Variants in IPO11 observed in about 807,000 individuals in gnomAD.
IPO11 encodes importin 11.
Under a neutral mutation model 143.2 loss-of-function variants are expected in IPO11, and 66 were observed. The observed-to-expected ratio is 0.46, with a 90% CI of 0.38 to 0.57. The LOEUF (loss-of-function observed/expected upper bound fraction) is 0.57, where lower values mean the gene tolerates loss of function less well. Ranked by LOEUF, IPO11 falls within the 20% of genes least tolerant of loss-of-function variation. The pLI is 0.00. For synonymous variants in IPO11, 385 were observed against 377.8 expected, an observed-to-expected ratio of 1.02 and a Z score of -0.22; for missense variants, 1,026 against 1,141.0, an observed-to-expected ratio of 0.90 and a Z score of 1.45.
chr5:62,513,194 G>A (rs1580267672), intron 19 of IPO11, among the ~76,000 whole-genome samples: 3 of 151,744 alleles, frequency 2.0e-5, no homozygotes, highest in African/African-American at 4.8e-5. Context: ...CCCGGACCGG[G>A]TGGCTGGCCA....
intron 3 of IPO11, chr5:62,449,658 G>A (rs527789158): frequency 7.4e-4 from 178 of 239,948 alleles, no homozygotes; most frequent in African/African-American, 3.7e-3. Context: ...TTATGCTTCC[G>A]ACTTATCTGA....
At chr5:62,480,515 A>G (rs537431019) in intron 9 of IPO11, among the ~76,000 whole-genome samples, 2 of 152,150 alleles carry the variant, frequency 1.3e-5, no homozygotes, top group African/African-American at 4.8e-5. Flanking sequence ...CATTGAATCT[A>G]TCAATTACCT....
intron 5 of IPO11, among the ~76,000 whole-genome samples, chr5:62,456,986 A>G (rs1308274484): frequency 1.3e-5 from 2 of 152,114 alleles, no homozygotes; most frequent in African/African-American, 2.4e-5. Flanking sequence ...AGCCTGAGGC[A>G]GGACAATTGC....
intron 1 of IPO11, among the ~76,000 whole-genome samples, chr5:62,429,894 A>T (rs1189594584): frequency 1.3e-5 from 2 of 152,072 alleles, no homozygotes; most frequent in African/African-American, 4.8e-5. Flanking sequence ...AAGTACTGGG[A>T]TTACAGGAAT....
intron 24 of IPO11, among the ~76,000 whole-genome samples, chr5:62,547,350 A>C (rs143049940): frequency 6.6e-6 from 1 of 152,270 alleles, no homozygotes; most frequent in East Asian, 1.9e-4. Context: ...CAGGCACCTC[A>C]AATTCGTCAT....
At chr5:62,562,188 T>A (rs547092981) in intron 27 of IPO11, 5 of 152,434 alleles carry the variant, frequency 3.3e-5, no homozygotes, top group African/African-American at 1.2e-4. Context: ...TAACAGCCCT[T>A]TTTGCTGCCC....
chr5:62,537,070 G>T (rs750846048), intron 23 of IPO11, 139 bp from the exon 24 acceptor site: 3 of 563,968 alleles, frequency 5.3e-6, no homozygotes, highest in South Asian at 3.6e-5. Context: ...TTTCCTAAGC[G>T]TTCTGATTGA....
At chr5:62,418,922 C>G (rs1037276290) in intron 1 of IPO11, 88 of 1,421,732 alleles carry the variant, frequency 6.2e-5, no homozygotes, top group Non-Finnish European at 8.0e-5. Flanking sequence ...ATAGAAGATA[C>G]AGTCACGAGT....
At position 62,439,173 on chromosome 5, in the gene IPO11, A is replaced by G. The variant is rs183288223; in HGVS notation, c.138+1756A>G. Among the ~76,000 whole-genome samples, 303 of 152,014 alleles carry G rather than the reference A, an allele frequency of 2.0e-3. 2 individuals are homozygous for G. The highest frequency in any genetic ancestry group is 7.1e-3 in the African/African-American group (296 of 41,466). ...TCTGGCCAAAATATAAAACACTTTC[A>G]GAATTTCTTATTTTAATTACTGCTG... On this transcript the variant is annotated intron_variant, in intron 2 of 29. Coordinates refer to ENST00000325324, the MANE Select transcript of IPO11 (RefSeq NM_016338.5).
intron 27 of IPO11, among the ~76,000 whole-genome samples, chr5:62,577,099 A>G (rs1391786212): frequency 2.0e-5 from 3 of 152,196 alleles, no homozygotes; most frequent in African/African-American, 7.2e-5. Flanking sequence ...ATAATGAGGA[A>G]TCATTGTTGA....
At chr5:62,429,509 C>G (rs1307507601) in intron 1 of IPO11, among the ~76,000 whole-genome samples, 1 of 151,986 alleles carries the variant, frequency 6.6e-6, no homozygotes, top group East Asian at 1.9e-4. Context: ...CCTCCGCCTC[C>G]TGGGTTCCAG....
chr5:62,525,272 CAT>C (rs1262674606), intron 20 of IPO11, among the ~76,000 whole-genome samples: 6 of 151,730 alleles, frequency 4.0e-5, no homozygotes, highest in African/African-American at 1.2e-4. Flanking sequence ...AATTCTTTGA[CAT>C]GTGGAATTGT....
Position 62,627,210 on chromosome 5 carries a change from G to A in IPO11, c.2820G>A (p.Lys940=). The A allele has an allele frequency of 6.2e-7, 1 of 1,614,188 alleles. No homozygotes were observed. Among genetic ancestry groups the A allele is most frequent in the Non-Finnish European group, 8.5e-7 (1 of 1,180,016 alleles). Residue 940 remains lysine, a synonymous_variant, in exon 30 of 30, where the codon AAG becomes AAA. Coordinates refer to ENST00000325324, the MANE Select transcript of IPO11 (RefSeq NM_016338.5). ...CACTGCAGCAGTTCATCTACGAGAA[G>A]CTCAAGGCACAGCAGGAGATGCTAG... The part of the protein sequence containing the change: ...TVSLQQFIYE[K]LKAQQEMLGE...
In IPO11 at chr5:62,516,739, G is replaced by A. The variant is rs538495877; in HGVS notation, c.1896+1238G>A. 2.1e-4 allele frequency among the ~76,000 whole-genome samples: 32 copies of A among 152,036 alleles called. 1 individual carries two copies. In the South Asian group the frequency reaches 6.0e-3, roughly 29 times the overall value. ...TAAAATACACATAACAAAATTTACC[G>A]TTTTAACCAATTTTAAGTGTACAGT... is the stretch of plus-strand genomic sequence containing the variant. On this transcript the variant is annotated intron_variant, in intron 20 of 29. Transcript: ENST00000325324.
In IPO11 at chr5:62,470,166, G is replaced by A. The variant is rs999863290; in HGVS notation, c.650-84G>A. On this transcript the variant is annotated intron_variant, in intron 6 of 29. Transcript: ENST00000325324. The stretch of plus-strand genomic sequence containing the variant: ...CAGATTAACCTCCAAGCTTGATTAA[G>A]TTTTGCAATTCTGAATCTTTCTTGT... The A allele has an allele frequency of 3.7e-5, 49 of 1,317,412 alleles. No individual in the cohort carries two copies. In the African/African-American group the frequency reaches 6.7e-4, roughly 18 times the overall value. The allele number at this position is 1,317,412 out of a possible 1,614,324, so 81.6% of individuals were successfully genotyped here.
At chr5:62,503,899 T>A (rs1741448560) in intron 16 of IPO11, among the ~76,000 whole-genome samples, 1 of 152,198 alleles carries the variant, frequency 6.6e-6, no homozygotes, top group Non-Finnish European at 1.5e-5. Flanking sequence ...AAGAAAGTAA[T>A]GGTTCTCAGC....
chr5:62,591,168 T>C (rs1744996430), intron 27 of IPO11, among the ~76,000 whole-genome samples: 1 of 152,186 alleles, frequency 6.6e-6, no homozygotes, highest in South Asian at 2.1e-4. Flanking sequence ...TAGATTCAAG[T>C]CCATTACCAG....
At chr5:62,474,511 TTAG>T (rs1218926721) in intron 8 of IPO11, 47 bp downstream of exon 8, 11 of 1,299,554 alleles carry the variant, frequency 8.5e-6, no homozygotes, top group African/African-American at 3.0e-5. Flanking sequence ...TTTTTATTCA[TTAG>T]TAGCTTATTC....
intron 5 of IPO11, among the ~76,000 whole-genome samples, chr5:62,461,224 G>C (rs1267473410): frequency 6.6e-6 from 1 of 152,132 alleles, no homozygotes; most frequent in Non-Finnish European, 1.5e-5. Flanking sequence ...GATGGAAAGG[G>C]TGGGAGGTTG....
Sources: gnomAD v4.1 joint callset for allele counts (sites outside exome capture counted in the v4.1 genomes callset) on GRCh38, gnomAD v4.1.1 for gene constraint, MANE v1.5 for transcripts, NCBI Gene and HGNC (gene_info 2026-07-23, HGNC 2026-07-21) for gene names.